The following SLC39A11 variants were observed in gnomAD, a reference collection of about 807,000 sequenced individuals.
The protein encoded by SLC39A11 is zinc transporter ZIP11.
In SLC39A11, 33 loss-of-function variants were observed where a neutral mutation model predicts 36.1. The ratio of observed to expected loss-of-function variants is 0.91; its 90% CI spans 0.69 to 1.22. The LOEUF (loss-of-function observed/expected upper bound fraction) is 1.22. SLC39A11 is among the 50% of genes most tolerant of loss of function. The probability of loss-of-function intolerance (pLI) is 0.00; values close to 1 mark genes in which losing one functional copy is unlikely to be tolerated. For synonymous variants in SLC39A11, 166 were observed against 170.3 expected, an observed-to-expected ratio of 0.97 and a Z score of 0.20; for missense variants, 432 against 430.3, an observed-to-expected ratio of 1.00 and a Z score of -0.03.
chr17:72,947,441 C>T (rs1395663640), intron 5 of SLC39A11: 1 of 396,698 alleles, frequency 2.5e-6, no homozygotes, highest in Non-Finnish European at 4.6e-6. Context: ...TGCTGGTACT[C>T]TCTAACCCAA....
At chr17:72,649,660 G>A (rs984717325) in intron 7 of SLC39A11, among the ~76,000 whole-genome samples, 1 of 46,280 alleles carries the variant, frequency 2.2e-5, no homozygotes. Context: ...TTTTTTTTTT[G>A]AGATGGAGTC....
In SLC39A11 at chr17:72,818,204, GTCT is replaced by G. The variant is rs138298921; in HGVS notation, c.601+31427_601+31429del. Among the ~76,000 whole-genome samples the G allele has an allele frequency of 2.0e-4, 30 of 152,304 alleles. No individual in the cohort carries two copies. In the East Asian group the frequency reaches 5.8e-3, roughly 29 times the overall value. On this transcript the variant is annotated intron_variant, in intron 6 of 9. Coordinates refer to ENST00000255559, the MANE Select transcript of SLC39A11 (RefSeq NM_139177.4). ...ACATAAAGCAGTTTATATCACCTGT[GTCT>G]TCTTTTGTCCAGCCTGAAAGGTCCA...
At chr17:72,844,707 A>C (rs1333956695) in intron 6 of SLC39A11, among the ~76,000 whole-genome samples, 1 of 152,138 alleles carries the variant, frequency 6.6e-6, no homozygotes, top group Non-Finnish European at 1.5e-5. Flanking sequence ...TTCATGGGCC[A>C]ATGATTCAGA....
chr17:72,660,311 C>T (rs1484957655), intron 7 of SLC39A11, among the ~76,000 whole-genome samples: 2 of 152,214 alleles, frequency 1.3e-5, no homozygotes, highest in Non-Finnish European at 2.9e-5. Flanking sequence ...TGACGATAAC[C>T]ACTGCTGTTA....
intron 4 of SLC39A11, among the ~76,000 whole-genome samples, chr17:73,010,887 G>A (rs111306480): frequency 3.5e-4 from 54 of 152,266 alleles, no homozygotes; most frequent in Non-Finnish European, 4.9e-4. Context: ...TTTCAACTTC[G>A]ATGCCGTAAG....
intron 3 of SLC39A11, chr17:73,068,100 C>T: frequency 1.4e-6 from 2 of 1,411,900 alleles, no homozygotes; most frequent in Non-Finnish European, 2.0e-6. Context: ...ATAGGAGTAT[C>T]TCCCACAGCC....
At chr17:72,795,420 G>A (rs1431392142) in intron 6 of SLC39A11, among the ~76,000 whole-genome samples, 2 of 152,114 alleles carry the variant, frequency 1.3e-5, no homozygotes, top group African/African-American at 4.8e-5. Context: ...AGCAAGACAT[G>A]ACAGAGAAAG....
chr17:72,766,277 G>A (rs549127461), intron 6 of SLC39A11, among the ~76,000 whole-genome samples: 93 of 152,256 alleles, frequency 6.1e-4, no homozygotes, highest in African/African-American at 1.4e-3. Flanking sequence ...GTTAAGTTGC[G>A]CTATGGGTGG....
intron 6 of SLC39A11, among the ~76,000 whole-genome samples, chr17:72,765,784 T>C (rs2075739033): frequency 6.6e-6 from 1 of 152,212 alleles, no homozygotes; most frequent in Admixed American, 6.5e-5. Flanking sequence ...TGTGTTCTAA[T>C]GTGGCCCCAA....
chr17:72,747,008 C>T (rs1011812342), intron 6 of SLC39A11, among the ~76,000 whole-genome samples: 2 of 152,102 alleles, frequency 1.3e-5, no homozygotes, highest in African/African-American at 2.4e-5. Flanking sequence ...GATCGCACCA[C>T]TGCACTTCAG....
In SLC39A11 at chr17:72,861,863, T is replaced by C. The variant is rs375542438; in HGVS notation, c.431-12059A>G. 1.0e-4 allele frequency among the ~76,000 whole-genome samples: 15 copies of C among 149,130 alleles called. No individual in the cohort carries two copies. The East Asian group carries it at 3.0e-3, about 30-fold the overall frequency. ...AAAAATTGTATATATATATGACTTT[T>C]AGAAATTCACTTGAGACATTGAAAC... On this transcript the variant is annotated intron_variant, in intron 5 of 9. Transcript: ENST00000255559.
chr17:72,682,406 G>A (rs142533087), intron 7 of SLC39A11, among the ~76,000 whole-genome samples: 35 of 148,844 alleles, frequency 2.4e-4, no homozygotes, highest in African/African-American at 8.4e-4. Flanking sequence ...TGTGTTGATC[G>A]ACTGTTTATG....
intron 7 of SLC39A11, among the ~76,000 whole-genome samples, chr17:72,715,267 T>G (rs2143423464): frequency 6.6e-6 from 1 of 152,276 alleles, no homozygotes; most frequent in African/African-American, 2.4e-5. Context: ...AAAATCAAAT[T>G]ACCGAATGAT....
At chr17:73,031,783 TGCTCTCTGTG>T in intron 3 of SLC39A11, 69 bp from the exon 4 acceptor site, 2 of 1,524,302 alleles carry the variant, frequency 1.3e-6, no homozygotes, top group Non-Finnish European at 1.8e-6. Context: ...GGACCTCAGT[TGCTCTCTGTG>T]GCCCAGATTG....
chr17:72,765,001 T>C (rs1463975549), intron 6 of SLC39A11, among the ~76,000 whole-genome samples: 1 of 152,218 alleles, frequency 6.6e-6, no homozygotes, highest in African/African-American at 2.4e-5. Context: ...CAAGGTAACT[T>C]TGGGAGCTAG....
intron 7 of SLC39A11, among the ~76,000 whole-genome samples, chr17:72,682,308 C>T (rs2071543700): frequency 8.4e-6 from 1 of 119,710 alleles, no homozygotes; most frequent in African/African-American, 3.2e-5. Flanking sequence ...CCCCCCACCC[C>T]AGTCCATGGA....
At chr17:72,869,680 C>T (rs1327994669) in intron 5 of SLC39A11, among the ~76,000 whole-genome samples, 3 of 152,288 alleles carry the variant, frequency 2.0e-5, no homozygotes, top group Non-Finnish European at 4.4e-5. Context: ...TGAGCCACCA[C>T]GCCCAGTGAA....
At position 72,796,445 on chromosome 17, in the gene SLC39A11, C is replaced by G. The variant is rs542040885; in HGVS notation, c.601+53189G>C. On this transcript the variant is annotated intron_variant, in intron 6 of 9. Transcript: ENST00000255559. ...ATTCCCAAGACCACTGCTACAGATT[C>G]TTGGAAATACACCCTCCCCGTGGAG... is the stretch of plus-strand genomic sequence containing the variant. 1.9e-3 allele frequency among the ~76,000 whole-genome samples: 284 copies of G among 152,240 alleles called. 6 individuals carry two copies. The highest frequency in any genetic ancestry group is 6.6e-3 in the African/African-American group (274 of 41,492).
intron 6 of SLC39A11, among the ~76,000 whole-genome samples, chr17:72,796,902 A>G (rs1318052977): frequency 2.0e-5 from 3 of 152,178 alleles, no homozygotes; most frequent in Non-Finnish European, 4.4e-5. Context: ...CATAACACAC[A>G]GACGAAATGA....
Sources: gnomAD v4.1 joint callset for allele counts (sites outside exome capture counted in the v4.1 genomes callset) on GRCh38, gnomAD v4.1.1 for gene constraint, MANE v1.5 for transcripts, NCBI Gene and HGNC (gene_info 2026-07-23, HGNC 2026-07-21) for gene names.